MYO16: variants seen among roughly 807,000 people sequenced by gnomAD.
MYO16 encodes the protein unconventional myosin-XVI.
MYO16 carries 94 observed loss-of-function variants against 205.3 expected under a neutral mutation model. That is an observed-to-expected ratio of 0.46 (90% confidence interval 0.39 to 0.54). MYO16 has a LOEUF of 0.54. Ranked by LOEUF, MYO16 falls within the 20% of genes least tolerant of loss-of-function variation. MYO16 has a pLI of 0.00. For missense variants in MYO16, 2,315 were observed against 2,387.5 expected (o/e 0.97, Z 0.63); for synonymous variants, 988 against 954.0 (o/e 1.04, Z -0.66).
chr13:109,071,663 A>G (rs895205367), intron 27 of MYO16, among the ~76,000 whole-genome samples: 1 of 152,214 alleles, frequency 6.6e-6, no homozygotes, highest in Non-Finnish European at 1.5e-5. Flanking sequence ...AGATTTGGTA[A>G]ATCAGTGATT....
intron 32 of MYO16, among the ~76,000 whole-genome samples, chr13:109,163,071 C>T (rs1281280022): frequency 5.3e-5 from 8 of 152,146 alleles, no homozygotes; most frequent in Admixed American, 4.6e-4. Flanking sequence ...TAAATTTAAA[C>T]TCTTCTGCCT....
At chr13:108,897,609 T>G (rs1467364360) in intron 14 of MYO16, among the ~76,000 whole-genome samples, 2 of 152,252 alleles carry the variant, frequency 1.3e-5, no homozygotes, top group Non-Finnish European at 2.9e-5. Flanking sequence ...TGTATTATTG[T>G]AAAATGAATT....
chr13:108,535,004 T>C, the MYO16 span, among the ~76,000 whole-genome samples: 2 of 149,536 alleles, frequency 1.3e-5, no homozygotes, highest in African/African-American at 4.9e-5. Flanking sequence ...TTCCTTCCTC[T>C]TCTTTCCTCT....
At chr13:109,014,815 T>A (rs924296469) in intron 22 of MYO16, among the ~76,000 whole-genome samples, 14 of 152,264 alleles carry the variant, frequency 9.2e-5, no homozygotes, top group African/African-American at 3.4e-4. Flanking sequence ...ATTGATTTTG[T>A]ATCCTGAGGC....
intron 21 of MYO16, among the ~76,000 whole-genome samples, chr13:108,998,284 G>A (rs1885100781): frequency 6.6e-6 from 1 of 152,114 alleles, no homozygotes; most frequent in African/African-American, 2.4e-5. Flanking sequence ...GTACCTAGTA[G>A]GATTCATTTT....
At chr13:108,908,834 G>A (rs1057406204) in intron 15 of MYO16, among the ~76,000 whole-genome samples, 8 of 151,878 alleles carry the variant, frequency 5.3e-5, no homozygotes, top group African/African-American at 1.7e-4. Context: ...ATTAGCTGGT[G>A]TGGTGACACA....
chr13:108,576,248 C>A, the MYO16 span, among the ~76,000 whole-genome samples: 1 of 152,166 alleles, frequency 6.6e-6, no homozygotes, highest in Non-Finnish European at 1.5e-5. Flanking sequence ...TAGAATGAAT[C>A]CTGGCTCCTA....
At chr13:109,039,668 A>G (rs146676329) in intron 23 of MYO16, among the ~76,000 whole-genome samples, 247 of 152,326 alleles carry the variant, frequency 1.6e-3, no homozygotes, top group African/African-American at 5.5e-3. Flanking sequence ...TGAAAGTACA[A>G]CATGTCAAAC....
intron 4 of MYO16, among the ~76,000 whole-genome samples, chr13:108,763,787 T>TTTGTGTGTG (rs150965677): frequency 1.5e-4 from 21 of 142,634 alleles, no homozygotes; most frequent in African/African-American, 5.5e-4. Context: ...AGAAAAGGAG[T>TTTGTGTGTG]TGTGTGTGTG....
At chr13:109,088,157 AG>A (rs1888500650) in intron 27 of MYO16, among the ~76,000 whole-genome samples, 1 of 152,218 alleles carries the variant, frequency 6.6e-6, no homozygotes, top group African/African-American at 2.4e-5. Flanking sequence ...AAGAGGGCAC[AG>A]TTTTAAATTC....
rs1211065834 is a variant in MYO16 at position 108,712,648 on chromosome 13, CTG to C, written c.293-11_293-10del. Reference sequence around the variant, plus strand: ...ACTCTCTGTAACTCCATTCTCCTCTCTGTTGTTTTCAGTGCTTCGGCTCCTGA... The same window carrying C: ...ACTCTCTGTAACTCCATTCTCCTCTCTTGTTTTCAGTGCTTCGGCTCCTGA... On this transcript the variant is annotated splice_polypyrimidine_tract_variant and intron_variant, in intron 2 of 34. Coordinates refer to ENST00000457511, the MANE Select transcript of MYO16 (RefSeq NM_001198950.3). 3 of 1,612,868 alleles carry C rather than the reference CTG, an allele frequency of 1.9e-6. No homozygotes were observed. In the African/African-American group the frequency reaches 4.0e-5, roughly 22 times the overall value.
chr13:108,685,025 A>T (rs1359385149), intron 2 of MYO16, among the ~76,000 whole-genome samples: 4 of 142,066 alleles, frequency 2.8e-5, no homozygotes, highest in Non-Finnish European at 1.5e-5. Context: ...AACCACCCCA[A>T]TTTTTTTTTT....
chr13:109,010,453 A>C (rs1433894645), intron 22 of MYO16, among the ~76,000 whole-genome samples: 1 of 152,244 alleles, frequency 6.6e-6, no homozygotes, highest in Non-Finnish European at 1.5e-5. Context: ...GCTAGTAATC[A>C]ACCACCTTAT....
chr13:108,620,865 C>G (rs1879514767), intron 1 of MYO16, among the ~76,000 whole-genome samples: 1 of 152,188 alleles, frequency 6.6e-6, no homozygotes, highest in Non-Finnish European at 1.5e-5. Flanking sequence ...CATCCCACTC[C>G]TCTGCATTAA....
chr13:109,017,848 C>G (rs982869302), intron 22 of MYO16, among the ~76,000 whole-genome samples: 1 of 150,992 alleles, frequency 6.6e-6, no homozygotes, highest in Admixed American at 6.6e-5. Flanking sequence ...ACTGGTTATT[C>G]TAGTTAGCCA....
chr13:109,168,423 G>A (rs1878782866), intron 33 of MYO16, among the ~76,000 whole-genome samples: 2 of 151,976 alleles, frequency 1.3e-5, no homozygotes, highest in Admixed American at 1.3e-4. Flanking sequence ...ATATTTGAAC[G>A]TCAAAAATTA....
At chr13:108,498,523 C>A in the MYO16 span, among the ~76,000 whole-genome samples, 1 of 152,130 alleles carries the variant, frequency 6.6e-6, no homozygotes, top group African/African-American at 2.4e-5. Context: ...CTCTGCCCAC[C>A]AACCTTTCTT....
At chr13:109,180,132 A>C (rs1879396280) in intron 34 of MYO16, among the ~76,000 whole-genome samples, 1 of 152,210 alleles carries the variant, frequency 6.6e-6, no homozygotes, top group African/African-American at 2.4e-5. Context: ...TGGTAAAATC[A>C]AAATGAGATT....
intron 17 of MYO16, 113 bp downstream of exon 17, chr13:108,957,912 G>A (rs150229542): frequency 3.7e-6 from 3 of 811,274 alleles, no homozygotes; most frequent in African/African-American, 3.4e-5. Flanking sequence ...TGTTGCCGAG[G>A]ACACTGATGA....
Sources: gnomAD v4.1 joint callset for allele counts (sites outside exome capture counted in the v4.1 genomes callset) on GRCh38, gnomAD v4.1.1 for gene constraint, MANE v1.5 for transcripts, NCBI Gene and HGNC (gene_info 2026-07-23, HGNC 2026-07-21) for gene names.